Variants in GRM3 observed in about 807,000 individuals in gnomAD.
GRM3 encodes the protein glutamate metabotropic receptor 3.
In GRM3, 26 loss-of-function variants were observed where a neutral mutation model predicts 70.5. The observed-to-expected ratio is 0.37, with a 90% CI of 0.27 to 0.51. The LOEUF is 0.51. GRM3 is among the 20% of genes least tolerant of loss of function. The pLI is 0.93. For synonymous variants in GRM3, 443 were observed against 434.9 expected (o/e 1.02, Z -0.23); for missense variants, 859 against 1,123.8 (o/e 0.76, Z 3.37).
chr7:86,772,258 C>T (rs894706494), intron 2 of GRM3, among the ~76,000 whole-genome samples: 1 of 152,056 alleles, frequency 6.6e-6, no homozygotes, highest in Non-Finnish European at 1.5e-5. Context: ...TGTTAACCTG[C>T]TATACTTCCA....
rs979828854 is a variant in GRM3, at chr7:86,786,354, G to T, written c.562G>T (p.Ala188Ser). Residue 188 changes from alanine to serine, a missense_variant, in exon 3 of 6, where the codon GCC becomes TCC. Physicochemically the swap from Ala to Ser is moderately conservative, Grantham distance 99. Coordinates refer to ENST00000361669, the MANE Select transcript of GRM3 (RefSeq NM_000840.3). The surrounding 1 kb of genome is among the most constrained non-coding windows in gnomAD (Gnocchi z 6.0). ...LSDKSRYDYF[A>S]RTVPPDFYQA... is the part of the protein sequence containing the mutation. ...TGATAAGTCGCGCTATGATTACTTT[G>T]CCAGGACCGTGCCCCCCGACTTCTA... 6.2e-7 allele frequency: 1 copy of T among 1,614,118 alleles called. No homozygotes were observed. The highest frequency in any genetic ancestry group is 1.1e-5 in the South Asian group (1 of 91,078).
At chr7:86,863,856 C>T (rs948941525) in intron 5 of GRM3, among the ~76,000 whole-genome samples, 1 of 152,160 alleles carries the variant, frequency 6.6e-6, no homozygotes, top group Admixed American at 6.5e-5. Flanking sequence ...AATGATTATA[C>T]TTACAAATTC....
intron 4 of GRM3, among the ~76,000 whole-genome samples, chr7:86,849,530 G>T (rs754699653): frequency 2.1e-4 from 32 of 152,238 alleles, no homozygotes; most frequent in Non-Finnish European, 3.5e-4. Context: ...GAAGGTCAGA[G>T]ACTTTACAGA....
intron 1 of GRM3, among the ~76,000 whole-genome samples, chr7:86,733,301 G>A (rs373778892): frequency 2.4e-4 from 33 of 139,972 alleles, no homozygotes; most frequent in Admixed American, 2.9e-4. Context: ...GCAACAGAGC[G>A]ACACGCCGTC....
At chr7:86,838,298 AT>A (rs1332372408) in intron 3 of GRM3, among the ~76,000 whole-genome samples, 7 of 152,070 alleles carry the variant, frequency 4.6e-5, no homozygotes, top group Admixed American at 6.6e-5. Context: ...AGGTAGTTTA[AT>A]TTTTTTCTTT....
chr7:86,864,415 A>C lies in GRM3; in HGVS notation c.*60A>C, dbSNP rs1799022483. ...CTGTTAGACAAAAGTGCTCACGTGC[A>C]GCTCCAGAATATGGAAACAGAGCAA... On this transcript the variant is annotated 3_prime_UTR_variant, in exon 6 of 6. Coordinates refer to ENST00000361669, the MANE Select transcript of GRM3 (RefSeq NM_000840.3). 5 of 1,130,676 alleles carry C rather than the reference A, an allele frequency of 4.4e-6. No homozygotes were observed. In the East Asian group the frequency reaches 1.2e-4, roughly 27 times the overall value. The allele number at this position is 1,130,676 out of a possible 1,614,324, so 70.0% of individuals were successfully genotyped here.
chr7:86,678,738 C>T (rs1794368901), intron 1 of GRM3, among the ~76,000 whole-genome samples: 1 of 152,062 alleles, frequency 6.6e-6, no homozygotes, highest in Admixed American at 6.6e-5. Flanking sequence ...CTGTAATCTA[C>T]TGATCCTAAC....
At chr7:86,680,006 T>A (rs974142072) in intron 1 of GRM3, among the ~76,000 whole-genome samples, 8 of 152,122 alleles carry the variant, frequency 5.3e-5, no homozygotes, top group African/African-American at 1.7e-4. Context: ...TAAATCAAAA[T>A]ATAGACTTGT....
intron 1 of GRM3, among the ~76,000 whole-genome samples, chr7:86,702,004 A>G (rs746547082): frequency 2.0e-5 from 3 of 152,068 alleles, no homozygotes; most frequent in Non-Finnish European, 4.4e-5. Flanking sequence ...ACCACATGCC[A>G]GGAAATATCT....
intron 1 of GRM3, among the ~76,000 whole-genome samples, chr7:86,715,854 A>C (rs1795301667): frequency 1.3e-5 from 2 of 152,034 alleles, no homozygotes; most frequent in Admixed American, 6.6e-5. Context: ...GCATTTAAAC[A>C]TAAAAGGCCT....
At chr7:86,717,395 A>T (rs1361854869) in intron 1 of GRM3, among the ~76,000 whole-genome samples, 2 of 151,976 alleles carry the variant, frequency 1.3e-5, no homozygotes, top group African/African-American at 4.8e-5. Flanking sequence ...ACTGCCTACA[A>T]TATGATAGAT....
intron 2 of GRM3, among the ~76,000 whole-genome samples, chr7:86,773,947 T>C (rs6943762): frequency 0.094 from 14,260 of 152,112 alleles, 782 homozygotes; most frequent in Middle Eastern, 0.13. Flanking sequence ...AATAGGATGG[T>C]CCAGGCTTAC....
intron 1 of GRM3, among the ~76,000 whole-genome samples, chr7:86,704,035 C>G (rs1234769412): frequency 5.3e-5 from 8 of 151,938 alleles, no homozygotes; most frequent in African/African-American, 1.9e-4. Context: ...CTTAAATCAT[C>G]TCTCTACTTA....
chr7:86,847,593 C>T lies in GRM3; in HGVS notation c.2392-2777C>T, dbSNP rs146830733. Among the ~76,000 whole-genome samples, 3 of 152,192 alleles carry T rather than the reference C, an allele frequency of 2.0e-5. No homozygotes were observed. The South Asian group carries it at 6.2e-4, about 32-fold the overall frequency. ...TGAAGAAAGAGAGTCCACAACTAAG[C>T]TCTGGGGAACTCCAGCACTTAAAGT... is the stretch of plus-strand genomic sequence containing the variant. On this transcript the variant is annotated intron_variant, in intron 4 of 5. Coordinates refer to ENST00000361669, the MANE Select transcript of GRM3 (RefSeq NM_000840.3).
chr7:86,746,893 C>T (rs1198167082), intron 1 of GRM3, among the ~76,000 whole-genome samples: 1 of 152,068 alleles, frequency 6.6e-6, no homozygotes, highest in East Asian at 1.9e-4. Context: ...ATTTGAAAGT[C>T]AACTCTGATT....
intron 1 of GRM3, among the ~76,000 whole-genome samples, chr7:86,690,808 C>T (rs1225315975): frequency 6.6e-6 from 1 of 151,924 alleles, no homozygotes; most frequent in Non-Finnish European, 1.5e-5. Context: ...GAGGGGGAAG[C>T]TTGAAGAAGT....
intron 1 of GRM3, among the ~76,000 whole-genome samples, chr7:86,684,954 G>A (rs1375790638): frequency 6.6e-6 from 1 of 152,148 alleles, no homozygotes; most frequent in Non-Finnish European, 1.5e-5. Flanking sequence ...ATTGTGTAAA[G>A]TACTTATAGT....
At chr7:86,729,495 T>C (rs552818460) in intron 1 of GRM3, among the ~76,000 whole-genome samples, 1 of 152,346 alleles carries the variant, frequency 6.6e-6, no homozygotes, top group African/African-American at 2.4e-5. Flanking sequence ...TCCAAACACA[T>C]TCTTTACTAA....
chr7:86,738,001 C>A (rs970674186), intron 1 of GRM3, among the ~76,000 whole-genome samples: 7 of 152,130 alleles, frequency 4.6e-5, no homozygotes, highest in African/African-American at 1.7e-4. Flanking sequence ...AAAGCATTTC[C>A]CAGATTTAGA....
Sources: gnomAD v4.1 joint callset for allele counts (sites outside exome capture counted in the v4.1 genomes callset) on GRCh38, gnomAD v4.1.1 for gene constraint, Gnocchi (gnomAD v3.1) non-coding constraint, MANE v1.5 for transcripts, NCBI Gene and HGNC (gene_info 2026-07-23, HGNC 2026-07-21) for gene names.